AOPEP: variants seen among roughly 807,000 people sequenced by gnomAD.
AOPEP encodes the protein aminopeptidase O.
A neutral mutation model predicts 98.1 loss-of-function variants in AOPEP; 77 were observed. The observed-to-expected ratio is 0.78, with a 90% confidence interval of 0.65 to 0.95. The LOEUF (loss-of-function observed/expected upper bound fraction) is 0.95, where lower values mean the gene tolerates loss of function less well. Ranked by LOEUF, AOPEP falls within the 40% of genes least tolerant of loss-of-function variation. AOPEP has a pLI of 0.00. For missense variants in AOPEP, 1,024 were observed against 1,024.7 expected, an observed-to-expected ratio of 1.00 and a Z score of 0.01; for synonymous variants, 346 against 365.3, an observed-to-expected ratio of 0.95 and a Z score of 0.60.
At chr9:94,844,361 T>C (rs2042607819) in intron 5 of AOPEP, among the ~76,000 whole-genome samples, 1 of 152,204 alleles carries the variant, frequency 6.6e-6, no homozygotes, top group Non-Finnish European at 1.5e-5. Flanking sequence ...AAAAGAAATT[T>C]GTAATTGATA....
At chr9:95,119,156 T>C in the AOPEP span, among the ~76,000 whole-genome samples, 1 of 152,228 alleles carries the variant, frequency 6.6e-6, no homozygotes, top group African/African-American at 2.4e-5. Flanking sequence ...CAAATGACGC[T>C]GAACAGTTTT....
rs544190473 is a variant in AOPEP, at chr9:94,782,365, T to A, written c.964+9197T>A. 1.1e-4 allele frequency among the ~76,000 whole-genome samples: 16 copies of A among 152,296 alleles called. No homozygotes were observed. The South Asian group carries it at 1.7e-3, about 16-fold the overall frequency. On this transcript the variant is annotated intron_variant, in intron 3 of 16. Transcript: ENST00000375315. The stretch of plus-strand genomic sequence containing the variant: ...CATGTGCCCTTGCATAGGATCTGAT[T>A]TCATTTTTTAGTGCAAAAGTAAGAC...
At chr9:94,733,947 A>T (rs116322987) in intron 1 of AOPEP, among the ~76,000 whole-genome samples, 3,347 of 152,318 alleles carry the variant, frequency 0.022, 127 homozygotes, top group African/African-American at 0.076. Context: ...AGGGGCACCC[A>T]TTTGCAGTGT....
intron 5 of AOPEP, among the ~76,000 whole-genome samples, chr9:94,864,140 A>G (rs1003360677): frequency 6.6e-6 from 1 of 152,210 alleles, no homozygotes; most frequent in Non-Finnish European, 1.5e-5. Flanking sequence ...CACTTTTTGC[A>G]TCTGCTATGT....
chr9:95,058,139 G>A (rs1013036857), intron 13 of AOPEP, among the ~76,000 whole-genome samples: 23 of 152,224 alleles, frequency 1.5e-4, no homozygotes, highest in African/African-American at 5.5e-4. Flanking sequence ...CAGATATACA[G>A]GTATGAATGC....
chr9:95,073,166 C>T (rs2068672766), intron 14 of AOPEP, among the ~76,000 whole-genome samples: 1 of 152,242 alleles, frequency 6.6e-6, no homozygotes, highest in Non-Finnish European at 1.5e-5. Flanking sequence ...CTGCGAGTCT[C>T]TGACCTGGCC....
intron 5 of AOPEP, among the ~76,000 whole-genome samples, chr9:94,837,183 A>G (rs1309843257): frequency 6.6e-6 from 1 of 152,228 alleles, no homozygotes; most frequent in Non-Finnish European, 1.5e-5. Flanking sequence ...CTAGGAATAT[A>G]CAACTCTCCT....
chr9:95,114,320 T>A, the AOPEP span: 1 of 391,154 alleles, frequency 2.6e-6, no homozygotes, highest in African/African-American at 2.1e-5. Context: ...TGCTGCTTTT[T>A]CCAAGGCCTC....
At chr9:95,033,005 G>T (rs1183734712) in intron 13 of AOPEP, among the ~76,000 whole-genome samples, 1 of 152,190 alleles carries the variant, frequency 6.6e-6, no homozygotes, top group Non-Finnish European at 1.5e-5. Context: ...GCCACGTATT[G>T]TTCAGGGAGA....
intron 14 of AOPEP, among the ~76,000 whole-genome samples, chr9:95,077,935 GC>G (rs149781051): frequency 0.01 from 1,593 of 152,314 alleles, 29 homozygotes; most frequent in African/African-American, 0.037. Context: ...GGCCTGCCCA[GC>G]CTCCCGCAGC....
intron 13 of AOPEP, among the ~76,000 whole-genome samples, chr9:95,053,405 T>C (rs1350620123): frequency 6.6e-6 from 1 of 152,260 alleles, no homozygotes; most frequent in East Asian, 1.9e-4. Context: ...TCTTCCTATA[T>C]TACAAAAATA....
At chr9:94,783,205 A>T (rs1459484026) in intron 3 of AOPEP, among the ~76,000 whole-genome samples, 1 of 152,192 alleles carries the variant, frequency 6.6e-6, no homozygotes, top group Non-Finnish European at 1.5e-5. Flanking sequence ...AGGAAAACCT[A>T]TAGAGGCGCT....
At chr9:94,765,326 G>A (rs926168152) in intron 2 of AOPEP, among the ~76,000 whole-genome samples, 3 of 151,472 alleles carry the variant, frequency 2.0e-5, no homozygotes, top group Non-Finnish European at 2.9e-5. Flanking sequence ...TATGCCAGAT[G>A]TGGTGGCTCA....
intron 3 of AOPEP, among the ~76,000 whole-genome samples, chr9:94,775,090 A>G (rs1245914105): frequency 6.6e-6 from 1 of 152,090 alleles, no homozygotes; most frequent in Non-Finnish European, 1.5e-5. Flanking sequence ...CTTTTGGTAT[A>G]TCTTTTAATT....
At chr9:94,936,981 C>G (rs2056365923) in intron 7 of AOPEP, among the ~76,000 whole-genome samples, 1 of 152,168 alleles carries the variant, frequency 6.6e-6, no homozygotes, top group Non-Finnish European at 1.5e-5. Flanking sequence ...TGCCCCTTTC[C>G]CTGCGTTCAG....
chr9:95,106,976 C>T, the AOPEP span: 2 of 1,271,154 alleles, frequency 1.6e-6, no homozygotes, highest in South Asian at 1.3e-5. Flanking sequence ...GGTACACACA[C>T]TGTGCAGAGG....
At position 94,797,735 on chromosome 9, in the gene AOPEP, G is replaced by C. The variant is rs78901738; in HGVS notation, c.1119-3022G>C. 6.9e-3 allele frequency among the ~76,000 whole-genome samples: 942 copies of C among 137,384 alleles called. 7 individuals are homozygous for C. The highest frequency in any genetic ancestry group is 0.025 in the African/African-American group (907 of 36,182). 90.1% of individuals were successfully genotyped at this position (137,384 alleles called of 152,430 possible). ...TTTTTTTTTTTTGAGACAGAGTCAT[G>C]CTTTGTTGCCCAGGCTGGAGTGCAG... On this transcript the variant is annotated intron_variant, in intron 4 of 16. Coordinates refer to ENST00000375315, the MANE Select transcript of AOPEP (RefSeq NM_001193329.3).
rs2137066898 is a variant in AOPEP at position 94,930,851 on chromosome 9, G to A, written c.1661+2320G>A. Among the ~76,000 whole-genome samples, 1 of 152,214 alleles carries A rather than the reference G, an allele frequency of 6.6e-6. No individual in the cohort carries two copies. Among genetic ancestry groups the A allele is most frequent in the South Asian group, 2.1e-4 (1 of 4,822 alleles). The stretch of plus-strand genomic sequence containing the variant: ...TGTGAGAGGGGGTGTGTTGGCCCAG[G>A]AAGCGAGACTGGGAAGGTAGCAGAG... On this transcript the variant is annotated intron_variant, in intron 7 of 16. Coordinates refer to ENST00000375315, the MANE Select transcript of AOPEP (RefSeq NM_001193329.3). This position sits in a 1 kb window ranked among gnomAD's most constrained non-coding sequence, Gnocchi z 4.5.
At chr9:95,107,904 G>A in the AOPEP span, among the ~76,000 whole-genome samples, 6 of 152,220 alleles carry the variant, frequency 3.9e-5, no homozygotes, top group Admixed American at 3.9e-4. Flanking sequence ...GTAATTATAA[G>A]TCTGCAGGTT....
Sources: gnomAD v4.1 joint callset for allele counts (sites outside exome capture counted in the v4.1 genomes callset) on GRCh38, gnomAD v4.1.1 for gene constraint, Gnocchi (gnomAD v3.1) non-coding constraint, MANE v1.5 for transcripts, NCBI Gene and HGNC (gene_info 2026-07-23, HGNC 2026-07-21) for gene names.